The following VPS54 variants were observed in gnomAD, a reference collection of about 807,000 sequenced individuals.
The protein encoded by VPS54 is vacuolar protein sorting-associated protein 54.
In VPS54, 45 loss-of-function variants were observed where a neutral mutation model predicts 121.5. That is an observed-to-expected ratio of 0.37 (90% CI 0.29 to 0.47). VPS54 has a LOEUF of 0.47. Ranked by LOEUF, VPS54 falls within the 20% of genes least tolerant of loss-of-function variation. VPS54 has a pLI of 0.99. For missense variants in VPS54, 1,090 were observed against 1,131.4 expected (o/e 0.96, Z 0.52); for synonymous variants, 371 against 385.8 (o/e 0.96, Z 0.45).
chr2:63,986,192 T>A (rs767428665), intron 1 of VPS54, among the ~76,000 whole-genome samples: 1 of 152,240 alleles, frequency 6.6e-6, no homozygotes, highest in Admixed American at 6.5e-5. Flanking sequence ...ATCACCCTGT[T>A]AGGCAAGCAA....
intron 5 of VPS54, among the ~76,000 whole-genome samples, chr2:63,967,735 A>AAAAAAAAAAAAAAAAC (rs1676072902): frequency 2.7e-5 from 4 of 149,368 alleles, no homozygotes; most frequent in South Asian, 2.1e-4. Context: ...AAAAAAAAAA[A>AAAAAAAAAAAAAAAAC]TCTTATAAGG....
chr2:64,015,262 GTTCT>G (rs1456279652), intron 1 of VPS54, among the ~76,000 whole-genome samples: 1 of 152,056 alleles, frequency 6.6e-6, no homozygotes, highest in Non-Finnish European at 1.5e-5. Flanking sequence ...AAAAAAAGGG[GTTCT>G]TTTTTCAGAT....
chr2:64,002,427 C>T (rs1677926782), intron 1 of VPS54, among the ~76,000 whole-genome samples: 1 of 152,080 alleles, frequency 6.6e-6, no homozygotes, highest in Non-Finnish European at 1.5e-5. Context: ...TGCTCTGTAC[C>T]CCCAAATCTA....
Position 63,921,218 on chromosome 2 carries a change from C to A in VPS54, c.1857G>T (p.Met619Ile). 1 of 1,607,452 alleles carries A rather than the reference C, an allele frequency of 6.2e-7. No individual in the cohort carries two copies. Among genetic ancestry groups the A allele is most frequent in the Non-Finnish European group, 8.5e-7 (1 of 1,176,382 alleles). ...TGAAAATAGCTACCTTTGCTCTTGA[C>A]ATGAGAAATTTGACAGCTCGATCAT... ...ICHDRAVKFL[M>I]SRAKDGFLEK... The change falls in exon 13 of 23, where the codon ATG (methionine) becomes ATT (isoleucine). Residue 619 changes from methionine (M) to isoleucine (I), a missense_variant. Physicochemically the swap from Met to Ile is conservative, Grantham distance 10. This residue lies in a region of VPS54 where 801 missense variants were observed against 757.0 expected (regional missense o/e 1.06). Coordinates refer to ENST00000272322, the MANE Select transcript of VPS54 (RefSeq NM_016516.3).
intron 4 of VPS54, among the ~76,000 whole-genome samples, chr2:63,970,720 T>G (rs1339873360): frequency 6.6e-6 from 1 of 152,172 alleles, no homozygotes; most frequent in Non-Finnish European, 1.5e-5. Context: ...TTGGTTGACT[T>G]TCCTATCTCT....
At chr2:63,993,219 T>A (rs970253084) in intron 1 of VPS54, among the ~76,000 whole-genome samples, 1 of 152,218 alleles carries the variant, frequency 6.6e-6, no homozygotes, top group African/African-American at 2.4e-5. Flanking sequence ...TTGAAAACTT[T>A]AAATGACTTC....
Position 63,897,329 on chromosome 2 carries a change from T to C in VPS54, c.2828+167A>G, listed in dbSNP as rs547456426. Among the ~76,000 whole-genome samples the C allele has an allele frequency of 4.6e-5, 7 of 151,924 alleles. No individual in the cohort carries two copies. In the East Asian group the frequency reaches 7.7e-4, roughly 17 times the overall value. Reference sequence around the variant, plus strand: ...TATAAACCCCTTTTAGATAGTTAGATAGAAACAGATATTTCCACAGGGGAA... The same window carrying C: ...TATAAACCCCTTTTAGATAGTTAGACAGAAACAGATATTTCCACAGGGGAA... On this transcript the variant is annotated intron_variant, in intron 22 of 22. Coordinates refer to ENST00000272322, the MANE Select transcript of VPS54 (RefSeq NM_016516.3).
intron 11 of VPS54, among the ~76,000 whole-genome samples, chr2:63,942,138 G>T (rs1415200737): frequency 2.6e-5 from 4 of 151,418 alleles, no homozygotes; most frequent in Non-Finnish European, 1.5e-5. Context: ...TTGATAGTTT[G>T]GGGTGATTTT....
intron 7 of VPS54, 65 bp downstream of exon 7, chr2:63,961,993 C>G: frequency 6.9e-7 from 1 of 1,439,344 alleles, no homozygotes; most frequent in African/African-American, 1.4e-5. Context: ...TTTAACATTA[C>G]ATGCTCAATT....
chr2:63,975,126 A>G, intron 3 of VPS54: 1 of 1,127,520 alleles, frequency 8.9e-7, no homozygotes, highest in Non-Finnish European at 1.2e-6. Flanking sequence ...GTTCACTGCA[A>G]CCTCCACCTC....
At chr2:63,995,839 A>AT (rs1677557501) in intron 1 of VPS54, among the ~76,000 whole-genome samples, 1 of 152,208 alleles carries the variant, frequency 6.6e-6, no homozygotes, top group African/African-American at 2.4e-5. Context: ...AAGATAATTT[A>AT]TCATTGGACA....
chr2:63,962,070 A>G lies in VPS54; in HGVS notation c.998T>C (p.Ile333Thr), dbSNP rs535259861. ...TTAATGAACATACCGGAAACTGTGA[A>G]TGCCCTGAAGTTCCTGCTGTAGAAC... ...QEVLQQELQG[I>T]HSFRHLGSQL... is the part of the protein sequence containing the mutation. The change falls in exon 7 of 23, where the codon ATT becomes ACT. Residue 333 changes from isoleucine (I) to threonine (T), a missense_variant. Ile to Thr is a moderately conservative substitution (Grantham distance 89, BLOSUM62 -1). Around this residue, in one of 2 missense-constraint regions of VPS54, gnomAD observed 801 missense variants for 757.0 expected, o/e 1.06. Coordinates refer to ENST00000272322, the MANE Select transcript of VPS54 (RefSeq NM_016516.3). 66 of 1,565,836 alleles carry G rather than the reference A, an allele frequency of 4.2e-5. 1 individual carries two copies. In the South Asian group the frequency reaches 7.3e-4, roughly 17 times the overall value.
intron 4 of VPS54, among the ~76,000 whole-genome samples, chr2:63,969,716 A>G (rs531631800): frequency 6.6e-6 from 1 of 152,344 alleles, no homozygotes; most frequent in South Asian, 2.1e-4. Context: ...CCCTTGGTCT[A>G]TGGAAAAATT....
intron 1 of VPS54, among the ~76,000 whole-genome samples, chr2:63,990,738 A>G (rs1677279821): frequency 6.6e-6 from 1 of 152,218 alleles, no homozygotes; most frequent in South Asian, 2.1e-4. Context: ...CAAAACAAAG[A>G]AACAAGTGGA....
At chr2:63,914,991 A>G (rs1673313101) in intron 16 of VPS54, among the ~76,000 whole-genome samples, 1 of 151,528 alleles carries the variant, frequency 6.6e-6, no homozygotes, top group Non-Finnish European at 1.5e-5. Context: ...GTCTCTATTA[A>G]AAATTCAAAA....
chr2:63,948,231 A>C (rs1675079206), intron 8 of VPS54, among the ~76,000 whole-genome samples: 1 of 151,618 alleles, frequency 6.6e-6, no homozygotes, highest in African/African-American at 2.4e-5. Flanking sequence ...TTACTTAGGC[A>C]GTTATCAGGG....
At position 63,917,342 on chromosome 2, in the gene VPS54, T is replaced by A. The variant is rs571052430; in HGVS notation, c.2165-379A>T. 2.6e-5 allele frequency among the ~76,000 whole-genome samples: 4 copies of A among 152,206 alleles called. No homozygotes were observed. The East Asian group carries it at 7.7e-4, about 29-fold the overall frequency. ...GGTAAATGATCAGCAAATAGTTTTT[T>A]AAAAAGTTATTAGTTTTGGAAAGGC... On this transcript the variant is annotated intron_variant, in intron 15 of 22. Coordinates refer to ENST00000272322, the MANE Select transcript of VPS54 (RefSeq NM_016516.3).
chr2:63,980,227 T>G (rs903885897), intron 3 of VPS54, among the ~76,000 whole-genome samples: 1 of 152,168 alleles, frequency 6.6e-6, no homozygotes. Flanking sequence ...ATACTAATAG[T>G]TTTTGCTCTG....
rs764434752 is a variant in VPS54 at position 63,923,109 on chromosome 2, C to G, written c.1740-1774G>C. On this transcript the variant is annotated intron_variant, in intron 12 of 22. Transcript: ENST00000272322. ...CGGGCAGATCATGAGGTCAGGAGAC[C>G]GAGATCATCCTGGCTAACACATGGT... Among the ~76,000 whole-genome samples the G allele has an allele frequency of 7.9e-5, 12 of 151,966 alleles. No individual in the cohort carries two copies. In the South Asian group the frequency reaches 1.0e-3, roughly 13 times the overall value.
Sources: allele counts gnomAD v4.1 joint callset (sites outside exome capture counted in the v4.1 genomes callset), GRCh38; gene constraint gnomAD v4.1.1; regional missense constraint gnomAD v4.1.1; transcripts MANE v1.5; gene names NCBI Gene and HGNC (gene_info 2026-07-23, HGNC 2026-07-21).